Variants in NXN observed in about 807,000 individuals in gnomAD.
NXN encodes the protein nucleoredoxin.
NXN carries 16 observed loss-of-function variants against 48.6 expected under a neutral mutation model. The ratio of observed to expected loss-of-function variants is 0.33; its 90% CI spans 0.22 to 0.50. NXN has a LOEUF of 0.50. NXN is among the 20% of genes least tolerant of loss of function. The probability of loss-of-function intolerance (pLI) is 0.98; values close to 1 mark genes in which losing one functional copy is unlikely to be tolerated. For missense variants in NXN, 492 were observed against 605.5 expected (o/e 0.81, Z 1.97); for synonymous variants, 281 against 269.6 (o/e 1.04, Z -0.41).
intron 1 of NXN, among the ~76,000 whole-genome samples, chr17:856,212 G>GAT (rs1374846258): frequency 2.0e-5 from 3 of 151,900 alleles, no homozygotes; most frequent in African/African-American, 4.8e-5. Flanking sequence ...AAGAGGGTCT[G>GAT]ATCTCTCCTT....
rs144892745 is a variant in NXN, at chr17:837,215, C to T, written c.361-11137G>A. ...CTGGTCTCAAACTCCTGAGCTCAAGCGTTCCTCCCATCTCAGACTCCCAAA... is the reference window on the plus strand; with the variant it reads ...CTGGTCTCAAACTCCTGAGCTCAAGTGTTCCTCCCATCTCAGACTCCCAAA... On this transcript the variant is annotated intron_variant, in intron 1 of 7. Transcript: ENST00000336868. Among the ~76,000 whole-genome samples, 279 of 152,238 alleles carry T rather than the reference C, an allele frequency of 1.8e-3. 2 individuals are homozygous for T. The highest frequency in any genetic ancestry group is 6.4e-3 in the African/African-American group (265 of 41,532).
At chr17:912,295 G>A (rs538529258) in intron 1 of NXN, among the ~76,000 whole-genome samples, 16 of 151,992 alleles carry the variant, frequency 1.1e-4, no homozygotes, top group Admixed American at 8.5e-4. Flanking sequence ...TAAATGGAAC[G>A]GTGTAGTTCA....
chr17:869,704 G>A (rs1472151239), intron 1 of NXN, among the ~76,000 whole-genome samples: 1 of 152,252 alleles, frequency 6.6e-6, no homozygotes, highest in African/African-American at 2.4e-5. Context: ...CTGGAGAAAT[G>A]AGTGAGGAGG....
chr17:835,583 G>A (rs1054978578), intron 1 of NXN, among the ~76,000 whole-genome samples: 10 of 152,172 alleles, frequency 6.6e-5, no homozygotes, highest in Middle Eastern at 3.2e-3. Flanking sequence ...GGCCAGAAAC[G>A]CTTCTACAGT....
At chr17:946,891 A>G (rs2069050165) in intron 1 of NXN, among the ~76,000 whole-genome samples, 1 of 152,218 alleles carries the variant, frequency 6.6e-6, no homozygotes, top group African/African-American at 2.4e-5. Context: ...GGGAGGTTGC[A>G]GCCTTCTGTG....
chr17:932,837 G>A lies in NXN; in HGVS notation c.360+46482C>T, dbSNP rs8081177. Among the ~76,000 whole-genome samples, 65,330 of 151,914 alleles carry A rather than the reference G, an allele frequency of 0.43. 16,237 individuals carry two copies. The highest frequency in any genetic ancestry group is 0.54 in the Admixed American group (8,280 of 15,248). Reference sequence around the variant, plus strand: ...TAATTTTTATATTTTTAGTAGAGATGAGGTTTCTCCATGTTGGCCAGGCTG... The same window carrying A: ...TAATTTTTATATTTTTAGTAGAGATAAGGTTTCTCCATGTTGGCCAGGCTG... On this transcript the variant is annotated intron_variant, in intron 1 of 7. Transcript: ENST00000336868. This position sits in a 1 kb window ranked among gnomAD's most constrained non-coding sequence, Gnocchi z 4.1.
At chr17:832,377 G>A (rs374662040) in intron 1 of NXN, among the ~76,000 whole-genome samples, 3 of 150,812 alleles carry the variant, frequency 2.0e-5, no homozygotes, top group Admixed American at 6.6e-5. Flanking sequence ...TAGTAGAGAC[G>A]GGGTTTCACC....
chr17:887,563 G>A (rs2663319), intron 1 of NXN, among the ~76,000 whole-genome samples: 145,000 of 152,224 alleles, frequency 0.95, 69,235 homozygotes, highest in African/African-American at 0.99. Flanking sequence ...TGAAGAGGCC[G>A]AGAAAAGAAT....
Position 932,873 on chromosome 17 carries a change from C to T in NXN, c.360+46446G>A, listed in dbSNP as rs1567507528. ...ATGTTGGCCAGGCTGGTCTCGAACTCCTGACCTCAGGTGATCCGCCCGCCT... is the reference window on the plus strand; with the variant it reads ...ATGTTGGCCAGGCTGGTCTCGAACTTCTGACCTCAGGTGATCCGCCCGCCT... On this transcript the variant is annotated intron_variant, in intron 1 of 7. Coordinates refer to ENST00000336868, the MANE Select transcript of NXN (RefSeq NM_022463.5). This position sits in a 1 kb window ranked among gnomAD's most constrained non-coding sequence, Gnocchi z 4.1. 6.6e-6 allele frequency among the ~76,000 whole-genome samples: 1 copy of T among 152,198 alleles called. No individual in the cohort carries two copies. The highest frequency in any genetic ancestry group is 2.4e-5 in the African/African-American group (1 of 41,464).
chr17:812,860 A>G (rs1484211795), intron 5 of NXN, among the ~76,000 whole-genome samples: 1 of 120,266 alleles, frequency 8.3e-6, no homozygotes, highest in Non-Finnish European at 1.7e-5. Flanking sequence ...GCATGTGTGT[A>G]GGTGTGTGTG....
At position 823,612 on chromosome 17, in the gene NXN, A is replaced by C. The variant is rs183105564; in HGVS notation, c.612+20T>G. Reference sequence around the variant, plus strand: ...TCACTGCTTCCTTCTGTCTGAGCCAAAGGGGGTCCAAACACTCACCCAATG... The same window carrying C: ...TCACTGCTTCCTTCTGTCTGAGCCACAGGGGGTCCAAACACTCACCCAATG... On this transcript the variant is annotated intron_variant, in intron 3 of 7. Transcript: ENST00000336868. 1 of 1,613,782 alleles carries C rather than the reference A, an allele frequency of 6.2e-7. No homozygotes were observed. The highest frequency in any genetic ancestry group is 1.1e-5 in the South Asian group (1 of 91,050).
intron 6 of NXN, 47 bp downstream of exon 6, chr17:805,021 C>G: frequency 5.1e-5 from 76 of 1,484,690 alleles, no homozygotes; most frequent in Non-Finnish European, 6.3e-5. Flanking sequence ...CCCCTCCTGT[C>G]CCGCCCCCCA....
intron 1 of NXN, among the ~76,000 whole-genome samples, chr17:839,530 G>T (rs1366181464): frequency 6.6e-6 from 1 of 151,866 alleles, no homozygotes; most frequent in Non-Finnish European, 1.5e-5. Context: ...AAAAGTGCCA[G>T]GTATGCACGG....
chr17:834,009 A>G (rs1403484271), intron 1 of NXN, among the ~76,000 whole-genome samples: 1 of 152,208 alleles, frequency 6.6e-6, no homozygotes, highest in Non-Finnish European at 1.5e-5. Context: ...GAGAGAACTC[A>G]CTGTCCTTTT....
chr17:869,458 G>A (rs948633883), intron 1 of NXN, among the ~76,000 whole-genome samples: 3 of 152,206 alleles, frequency 2.0e-5, no homozygotes, highest in East Asian at 1.9e-4. Flanking sequence ...CACAGATTAC[G>A]AGGTGGAAGA....
At chr17:827,518 GA>G in intron 1 of NXN, among the ~76,000 whole-genome samples, 1 of 152,342 alleles carries the variant, frequency 6.6e-6, no homozygotes, top group South Asian at 2.1e-4. Context: ...AGCTACTCGG[GA>G]GGCTGAGGCA....
At chr17:859,646 C>T (rs957737448) in intron 1 of NXN, among the ~76,000 whole-genome samples, 4 of 152,172 alleles carry the variant, frequency 2.6e-5, no homozygotes, top group Non-Finnish European at 2.9e-5. Context: ...TGCTCTGTCA[C>T]GACCTGTTTC....
At chr17:926,314 G>C (rs2068798161) in intron 1 of NXN, among the ~76,000 whole-genome samples, 1 of 152,036 alleles carries the variant, frequency 6.6e-6, no homozygotes, top group South Asian at 2.1e-4. Context: ...AGCCCTCCAA[G>C]TAGCTAGGAC....
At chr17:912,768 C>CA (rs1449015252) in intron 1 of NXN, among the ~76,000 whole-genome samples, 2 of 152,064 alleles carry the variant, frequency 1.3e-5, no homozygotes, top group African/African-American at 2.4e-5. Flanking sequence ...GCCTGGCCAA[C>CA]ATGGTGAAAC....
Sources: allele counts gnomAD v4.1 joint callset (sites outside exome capture counted in the v4.1 genomes callset), GRCh38; gene constraint gnomAD v4.1.1; non-coding constraint Gnocchi (gnomAD v3.1); transcripts MANE v1.5; gene names NCBI Gene and HGNC (gene_info 2026-07-23, HGNC 2026-07-21).